The following SLC22A23 variants were observed in gnomAD, a reference collection of about 807,000 sequenced individuals.
SLC22A23 encodes the protein solute carrier family 22 member 23.
A neutral mutation model predicts 61.0 loss-of-function variants in SLC22A23; 26 were observed. The ratio of observed to expected loss-of-function variants is 0.43; its 90% CI spans 0.31 to 0.59. The LOEUF (loss-of-function observed/expected upper bound fraction) is 0.59, where lower values mean the gene tolerates loss of function less well. SLC22A23 is among the 20% of genes least tolerant of loss of function. The pLI is 0.11. For missense variants in SLC22A23, 796 were observed against 934.7 expected (o/e 0.85, Z 1.94); for synonymous variants, 430 against 413.9 (o/e 1.04, Z -0.47).
intron 4 of SLC22A23, among the ~76,000 whole-genome samples, chr6:3,310,635 C>T (rs1467890075): frequency 2.0e-5 from 3 of 151,694 alleles, no homozygotes; most frequent in African/African-American, 7.2e-5. Flanking sequence ...TCAGTAGAAT[C>T]TGTAATTAAA....
At chr6:3,395,107 T>G (rs544965165) in intron 3 of SLC22A23, among the ~76,000 whole-genome samples, 1 of 152,374 alleles carries the variant, frequency 6.6e-6, no homozygotes, top group African/African-American at 2.4e-5. Flanking sequence ...CTTGGCAGTC[T>G]ACAGAAGTTT....
At position 3,286,928 on chromosome 6, in the gene SLC22A23, T is replaced by G; in HGVS notation, c.1477A>C (p.Arg493=). Residue 493 remains arginine (R), a synonymous_variant, in exon 7 of 10, where the codon AGG becomes CGG. Transcript: ENST00000406686. The surrounding 1 kb of genome is among the most constrained non-coding windows in gnomAD (Gnocchi z 4.2). ...MCVVVRFLGR[R]GGLLLFMILT... ...ATCATGAAGAGCAGCAGCCCTCCCC[T>G]GCGCCCGAGGAATCGGACCACCACG... The G allele has an allele frequency of 6.2e-7, 1 of 1,613,784 alleles. No individual in the cohort carries two copies. The highest frequency in any genetic ancestry group is 8.5e-7 in the Non-Finnish European group (1 of 1,179,952).
chr6:3,330,290 C>T lies in SLC22A23; in HGVS notation c.914-6288G>A, dbSNP rs924820729. Among the ~76,000 whole-genome samples the T allele has an allele frequency of 8.5e-5, 13 of 152,350 alleles. No homozygotes were observed. The highest frequency in any genetic ancestry group is 2.4e-4 in the African/African-American group (10 of 41,586). ...GGAGGGCTGGCCATGCTGCCTGCCT[C>T]GCTGGGCTTCCACCAACCTGGTTCA... On this transcript the variant is annotated intron_variant, in intron 3 of 9. Transcript: ENST00000406686. The surrounding 1 kb of genome is among the most constrained non-coding windows in gnomAD (Gnocchi z 4.7).
rs1016218255 is a variant in SLC22A23, at chr6:3,289,695, G to A, written c.1313+69C>T. The A allele has an allele frequency of 1.5e-5, 20 of 1,314,810 alleles. No individual in the cohort carries two copies. The Admixed American group carries it at 3.3e-4, about 22-fold the overall frequency. The allele number at this position is 1,314,810 out of a possible 1,614,324, so 81.4% of individuals were successfully genotyped here. ...AGCGGGGTGGGGAGCAGGGCCCTGG[G>A]CTTCACCACTCCCCACCTTCTTCCC... On this transcript the variant is annotated intron_variant, in intron 6 of 9. Transcript: ENST00000406686.
chr6:3,376,062 A>C (rs928810950), intron 3 of SLC22A23, among the ~76,000 whole-genome samples: 2 of 152,222 alleles, frequency 1.3e-5, no homozygotes, highest in Non-Finnish European at 2.9e-5. Context: ...CTTTGGAAAA[A>C]CACATTGCTT....
chr6:3,373,623 GAGAAGA>G (rs767629410), intron 3 of SLC22A23, among the ~76,000 whole-genome samples: 1 of 151,542 alleles, frequency 6.6e-6, no homozygotes. Flanking sequence ...GGAAGAAAAA[GAGAAGA>G]AGAAGAAAAA....
At chr6:3,384,991 C>T (rs1002380252) in intron 3 of SLC22A23, among the ~76,000 whole-genome samples, 1 of 152,178 alleles carries the variant, frequency 6.6e-6, no homozygotes, top group Non-Finnish European at 1.5e-5. Context: ...CACAGAAAAA[C>T]AAATGCTGTA....
Position 3,364,913 on chromosome 6 carries a change from G to A in SLC22A23, c.914-40911C>T, listed in dbSNP as rs547648182. Among the ~76,000 whole-genome samples, 9 of 152,188 alleles carry A rather than the reference G, an allele frequency of 5.9e-5. No homozygotes were observed. In the East Asian group the frequency reaches 1.4e-3, roughly 23 times the overall value. ...TGTGGTGGAGAGGGGGTAGGGGGAC[G>A]GCAAAAAAGTGCAGAGGTCCCTGGA... On this transcript the variant is annotated intron_variant, in intron 3 of 9. Coordinates refer to ENST00000406686, the MANE Select transcript of SLC22A23 (RefSeq NM_015482.2).
At chr6:3,349,951 T>C (rs730488) in intron 3 of SLC22A23, among the ~76,000 whole-genome samples, 59,771 of 152,084 alleles carry the variant, frequency 0.39, 13,374 homozygotes, top group African/African-American at 0.61. Context: ...ACGGTCGCCT[T>C]CATCCCCTCT....
At chr6:3,400,234 T>C (rs957353163) in intron 3 of SLC22A23, among the ~76,000 whole-genome samples, 3 of 152,184 alleles carry the variant, frequency 2.0e-5, no homozygotes, top group African/African-American at 7.2e-5. Context: ...ATAAGAGAGG[T>C]AATTTATTAA....
chr6:3,430,035 TTTATG>T (rs1770756752), intron 1 of SLC22A23, among the ~76,000 whole-genome samples: 1 of 152,124 alleles, frequency 6.6e-6, no homozygotes, highest in Admixed American at 6.5e-5. Context: ...AATGGTTAAT[TTTATG>T]TTATGTACAT....
intron 1 of SLC22A23, among the ~76,000 whole-genome samples, chr6:3,435,779 G>C (rs1228625300): frequency 6.6e-6 from 1 of 152,176 alleles, no homozygotes; most frequent in Non-Finnish European, 1.5e-5. Context: ...TTTGGAAATA[G>C]GGTTTTTACA....
rs989299752 is a variant in SLC22A23 at position 3,324,430 on chromosome 6, C to T, written c.914-428G>A. On this transcript the variant is annotated intron_variant, in intron 3 of 9. Transcript: ENST00000406686. This position sits in a 1 kb window ranked among gnomAD's most constrained non-coding sequence, Gnocchi z 4.3. ...ATGCTGTATTAGGGGCCATCTCGAC[C>T]TCTAGACAGGACACCAGGCATGCCC... is the stretch of plus-strand genomic sequence containing the variant. Among the ~76,000 whole-genome samples, 2 of 152,206 alleles carry T rather than the reference C, an allele frequency of 1.3e-5. No individual in the cohort carries two copies. Among genetic ancestry groups the T allele is most frequent in the Admixed American group, 6.5e-5 (1 of 15,288 alleles).
intron 3 of SLC22A23, among the ~76,000 whole-genome samples, chr6:3,344,628 T>C (rs1390086840): frequency 6.6e-6 from 1 of 152,230 alleles, no homozygotes; most frequent in East Asian, 1.9e-4. Context: ...AACTAATTTG[T>C]ACACATAGAG....
chr6:3,453,583 C>T lies in SLC22A23; in HGVS notation c.654+2323G>A, dbSNP rs533198358. Among the ~76,000 whole-genome samples the T allele has an allele frequency of 2.0e-5, 3 of 152,242 alleles. No homozygotes were observed. In the South Asian group the frequency reaches 6.2e-4, roughly 32 times the overall value. ...CATGAGAAAGAGGTCCAGAACTGTG[C>T]CTGGTAGCTCTTCTGTCTTCCTCTC... On this transcript the variant is annotated intron_variant, in intron 1 of 9. Transcript: ENST00000406686.
intron 4 of SLC22A23, among the ~76,000 whole-genome samples, chr6:3,298,804 C>T (rs1761344576): frequency 6.6e-6 from 1 of 151,500 alleles, no homozygotes; most frequent in African/African-American, 2.4e-5. Flanking sequence ...AACCCCGTCT[C>T]TACTAAAAAT....
intron 1 of SLC22A23, among the ~76,000 whole-genome samples, chr6:3,440,441 CT>C: frequency 6.6e-6 from 1 of 152,024 alleles, no homozygotes; most frequent in Non-Finnish European, 1.5e-5. Flanking sequence ...GGTGCGGTGG[CT>C]CATGCCTGTA....
intron 9 of SLC22A23, among the ~76,000 whole-genome samples, chr6:3,282,684 C>A (rs942758601): frequency 6.6e-6 from 1 of 152,190 alleles, no homozygotes; most frequent in Non-Finnish European, 1.5e-5. Flanking sequence ...TATGAAGGCA[C>A]GTGCATGAGA....
chr6:3,381,194 T>C (rs1306626556), intron 3 of SLC22A23, among the ~76,000 whole-genome samples: 1 of 151,838 alleles, frequency 6.6e-6, no homozygotes, highest in African/African-American at 2.4e-5. Context: ...TTCCCGTGGC[T>C]ATCTCTCTGC....
Sources: gnomAD v4.1 joint callset for allele counts (sites outside exome capture counted in the v4.1 genomes callset) on GRCh38, gnomAD v4.1.1 for gene constraint, Gnocchi (gnomAD v3.1) non-coding constraint, MANE v1.5 for transcripts, NCBI Gene and HGNC (gene_info 2026-07-23, HGNC 2026-07-21) for gene names.